The following CBLIF variants were observed in gnomAD, a reference collection of about 807,000 sequenced individuals.
CBLIF encodes gastric intrinsic factor (vitamin B synthesis).
A neutral mutation model predicts 44.9 loss-of-function variants in CBLIF; 24 were observed. The ratio of observed to expected loss-of-function variants is 0.53; its 90% CI spans 0.39 to 0.75. The LOEUF is 0.75. Ranked by LOEUF, CBLIF falls within the 30% of genes least tolerant of loss-of-function variation. The pLI is 0.00. For synonymous variants in CBLIF, 183 were observed against 190.9 expected, an observed-to-expected ratio of 0.96 and a Z score of 0.34; for missense variants, 481 against 513.0, an observed-to-expected ratio of 0.94 and a Z score of 0.60.
intron 1 of CBLIF, chr11:59,845,142 T>A: frequency 5.6e-6 from 3 of 531,044 alleles, no homozygotes; most frequent in South Asian, 4.6e-5. Flanking sequence ...GGATTACAGG[T>A]GTGAGCCACT....
intron 8 of CBLIF, among the ~76,000 whole-genome samples, chr11:59,830,555 G>A (rs1297085985): frequency 4.6e-5 from 7 of 152,020 alleles, no homozygotes; most frequent in African/African-American, 1.4e-4. Flanking sequence ...TTTAATTTTT[G>A]TGGGTACATA....
At position 59,837,280 on chromosome 11, in the gene CBLIF, A is replaced by G. The variant is rs1866467946; in HGVS notation, c.765T>C (p.Asn255=). ...TGTGGAATTTCCCCTGCTTAATCTCATTGAGTATCATATCCGTAGTCTTCT... is the reference window on the plus strand; with the variant it reads ...TGTGGAATTTCCCCTGCTTAATCTCGTTGAGTATCATATCCGTAGTCTTCT... The part of the protein sequence containing the change: ...NCKKTTDMIL[N]EIKQGKFHNP... The change falls in exon 6 of 9, where the codon AAT becomes AAC. Residue 255 remains asparagine (N), a synonymous_variant. Coordinates refer to ENST00000257248, the MANE Select transcript of CBLIF (RefSeq NM_005142.3). 6.2e-7 allele frequency: 1 copy of G among 1,608,138 alleles called. No individual in the cohort carries two copies. The highest frequency in any genetic ancestry group is 1.3e-5 in the African/African-American group (1 of 74,792).
intron 8 of CBLIF, among the ~76,000 whole-genome samples, chr11:59,830,447 C>A (rs774530945): frequency 6.6e-6 from 1 of 151,850 alleles, no homozygotes; most frequent in African/African-American, 2.4e-5. Context: ...CCATGTTAGC[C>A]AGGATGGTCT....
At chr11:59,842,774 A>C in intron 3 of CBLIF, 191 bp from the exon 4 acceptor site, 1 of 657,868 alleles carries the variant, frequency 1.5e-6, no homozygotes, top group East Asian at 2.7e-5. Context: ...AAAGAATAAA[A>C]GGGATGACTC....
rs140255803 is a variant in CBLIF, at chr11:59,833,774, G to A, written c.1074-1978C>T. ...GAAAAGATGCTTTTTTCCTTTCCAT[G>A]ACTTGGCATTTTTCCTCCTCTCCTC... On this transcript the variant is annotated intron_variant, in intron 7 of 8. Transcript: ENST00000257248. 2.0e-5 allele frequency among the ~76,000 whole-genome samples: 3 copies of A among 152,130 alleles called. No homozygotes were observed. The East Asian group carries it at 5.8e-4, about 29-fold the overall frequency.
chr11:59,834,280 CT>C (rs1256248137), intron 7 of CBLIF, among the ~76,000 whole-genome samples: 16 of 135,726 alleles, frequency 1.2e-4, no homozygotes, highest in South Asian at 7.5e-4. Context: ...TTCTTTCTTT[CT>C]TTCTTTCTTT....
chr11:59,831,810 T>C lies in CBLIF; in HGVS notation c.1074-14A>G, dbSNP rs541611142. 105 of 1,210,366 alleles carry C rather than the reference T, an allele frequency of 8.7e-5. No individual in the cohort carries two copies. In the South Asian group the frequency reaches 1.2e-3, roughly 13 times the overall value. 75.0% of individuals were successfully genotyped at this position (1,210,366 alleles called of 1,614,324 possible). ...GTGGTTTCAAATCTAAAAAAAAGTT[T>C]ATATATGATTAACATCTCACTTTAG... On this transcript the variant is annotated splice_polypyrimidine_tract_variant and intron_variant, in intron 7 of 8. Coordinates refer to ENST00000257248, the MANE Select transcript of CBLIF (RefSeq NM_005142.3).
At chr11:59,842,299 T>G in intron 4 of CBLIF, 144 bp downstream of exon 4, 1 of 872,046 alleles carries the variant, frequency 1.1e-6, no homozygotes, top group Non-Finnish European at 1.9e-6. Flanking sequence ...AAACATCTGG[T>G]AAATATCTCC....
Position 59,829,415 on chromosome 11 carries a change from TA to T in CBLIF, c.*68del. 1.0e-6 allele frequency: 1 copy of T among 978,814 alleles called. No individual in the cohort carries two copies. 60.6% of individuals were successfully genotyped at this position (978,814 alleles called of 1,614,324 possible). A position where few individuals can be genotyped will look rare whatever the true frequency, so the allele number is the denominator to read the frequency against. On this transcript the variant is annotated 3_prime_UTR_variant, in exon 9 of 9. Coordinates refer to ENST00000257248, the MANE Select transcript of CBLIF (RefSeq NM_005142.3). ...AGGCATTCGCTTTTTTGCATAGATT[TA>T]AAATGAAGTGGAAAAAATTTCACCC...
At chr11:59,845,203 A>G in intron 1 of CBLIF, 172 bp downstream of exon 1, 1 of 877,494 alleles carries the variant, frequency 1.1e-6, no homozygotes, top group South Asian at 1.4e-5. Context: ...TGTCTCTCAA[A>G]GAACTTATGC....
At chr11:59,833,953 C>A (rs1318391180) in intron 7 of CBLIF, among the ~76,000 whole-genome samples, 2 of 152,178 alleles carry the variant, frequency 1.3e-5, no homozygotes, top group Non-Finnish European at 1.5e-5. Flanking sequence ...CAGATTCAGT[C>A]CAACCTGGGT....
At chr11:59,834,304 C>CTTTG (rs376102778) in intron 7 of CBLIF, among the ~76,000 whole-genome samples, 3 of 102,970 alleles carry the variant, frequency 2.9e-5, no homozygotes, top group Admixed American at 2.3e-4. Context: ...TTCTTTCTTT[C>CTTTG]TTTCTTTCTT....
Position 59,829,449 on chromosome 11 carries a change from G to C in CBLIF, c.*35C>G. ...GTGGAAAAAATTTCACCCATCCTTTGGAGATGTTTGATAGAAGCTGAACCC... is the reference window on the plus strand; with the variant it reads ...GTGGAAAAAATTTCACCCATCCTTTCGAGATGTTTGATAGAAGCTGAACCC... On this transcript the variant is annotated 3_prime_UTR_variant, in exon 9 of 9. Transcript: ENST00000257248. 7.2e-7 allele frequency: 1 copy of C among 1,390,348 alleles called. No homozygotes were observed. The highest frequency in any genetic ancestry group is 1.0e-6 in the Non-Finnish European group (1 of 975,650). The allele number at this position is 1,390,348 out of a possible 1,614,324, so 86.1% of individuals were successfully genotyped here.
chr11:59,839,750 G>A lies in CBLIF; in HGVS notation c.693+1393C>T, dbSNP rs1866499441. Reference sequence around the variant, plus strand: ...AGGGTCCTGCCTTTTGATAGGAAAAGCTCTAATTCCCAGGTACAGCTTATC... The same window carrying A: ...AGGGTCCTGCCTTTTGATAGGAAAAACTCTAATTCCCAGGTACAGCTTATC... On this transcript the variant is annotated intron_variant, in intron 5 of 8. Coordinates refer to ENST00000257248, the MANE Select transcript of CBLIF (RefSeq NM_005142.3). Among the ~76,000 whole-genome samples, 2 of 152,106 alleles carry A rather than the reference G, an allele frequency of 1.3e-5. 1 individual carries two copies. The highest frequency in any genetic ancestry group is 4.1e-4 in the South Asian group (2 of 4,834).
At chr11:59,834,205 C>T (rs541084091) in intron 7 of CBLIF, among the ~76,000 whole-genome samples, 14 of 152,002 alleles carry the variant, frequency 9.2e-5, no homozygotes, top group African/African-American at 3.1e-4. Flanking sequence ...TCTATGCCTC[C>T]AAAAGCCTGC....
Position 59,829,365 on chromosome 11 carries a change from T to A in CBLIF, c.*119A>T. On this transcript the variant is annotated 3_prime_UTR_variant, in exon 9 of 9. Coordinates refer to ENST00000257248, the MANE Select transcript of CBLIF (RefSeq NM_005142.3). ...ATTCTACATAGTGGTTCTCCATGTT[T>A]TTACCAGGAATATGGTAGCATCACA... is the stretch of plus-strand genomic sequence containing the variant. 1 of 721,970 alleles carries A rather than the reference T, an allele frequency of 1.4e-6. No individual in the cohort carries two copies. Among genetic ancestry groups the A allele is most frequent in the South Asian group, 1.5e-5 (1 of 68,254 alleles). 44.7% of individuals were successfully genotyped at this position (721,970 alleles called of 1,614,324 possible). A position where few individuals can be genotyped will look rare whatever the true frequency, so the allele number is the denominator to read the frequency against.
intron 5 of CBLIF, 119 bp downstream of exon 5, chr11:59,841,024 A>C: frequency 3.7e-6 from 3 of 817,624 alleles, no homozygotes; most frequent in Non-Finnish European, 6.5e-6. Flanking sequence ...CACAAAGAAT[A>C]TATCTCAGGT....
rs121434322 is a variant in CBLIF at position 59,843,998 on chromosome 11, G to T, written c.137C>A (p.Ser46Ter). 1 of 1,613,472 alleles carries T rather than the reference G, an allele frequency of 6.2e-7. No homozygotes were observed. Among genetic ancestry groups the T allele is most frequent in the Non-Finnish European group, 8.5e-7 (1 of 1,179,408 alleles). Reference protein sequence around the residue: ...VNGIQVLMENSVTSSAYPNPS... With the variant: ...VNGIQVLMEN Reference sequence around the variant, plus strand: ...GTTTGGGTAGGCTGATGAAGTCACCGAGTTCTCCATGAGTACTTGTATTCC... The same window carrying T: ...GTTTGGGTAGGCTGATGAAGTCACCTAGTTCTCCATGAGTACTTGTATTCC... Residue 46 changes from serine (S) to a stop codon, truncating the protein, a stop_gained, in exon 2 of 9, where the codon TCG (serine) becomes TAG (stop). Coordinates refer to ENST00000257248, the MANE Select transcript of CBLIF (RefSeq NM_005142.3). LOFTEE classifies it high-confidence loss of function.
rs781251516 is a variant in CBLIF at position 59,836,029 on chromosome 11, C to T, written c.872-20G>A. ...CATGATCTGTGAAGGGCAAAGAGGCCACATTTGTCAAAGATTATGGGGTTT... is the reference window on the plus strand; with the variant it reads ...CATGATCTGTGAAGGGCAAAGAGGCTACATTTGTCAAAGATTATGGGGTTT... On this transcript the variant is annotated intron_variant, in intron 6 of 8. Transcript: ENST00000257248. 6 of 1,598,562 alleles carry T rather than the reference C, an allele frequency of 3.8e-6. No homozygotes were observed. Among genetic ancestry groups the T allele is most frequent in the Non-Finnish European group, 5.1e-6 (6 of 1,165,830 alleles).
Sources: gnomAD v4.1 joint callset for allele counts (sites outside exome capture counted in the v4.1 genomes callset) on GRCh38, gnomAD v4.1.1 for gene constraint, MANE v1.5 for transcripts, NCBI Gene and HGNC (gene_info 2026-07-23, HGNC 2026-07-21) for gene names.